KIAA1217: variants seen among roughly 807,000 people sequenced by gnomAD.
KIAA1217 encodes KIAA1217, also known as sickle tail protein homolog.
Under a neutral mutation model 163.9 loss-of-function variants are expected in KIAA1217, and 88 were observed. The observed-to-expected ratio is 0.54, with a 90% CI of 0.45 to 0.64. KIAA1217 has a LOEUF of 0.64. Ranked by LOEUF, KIAA1217 falls within the 30% of genes least tolerant of loss-of-function variation. The pLI is 0.00. For synonymous variants in KIAA1217, 903 were observed against 923.1 expected, an observed-to-expected ratio of 0.98 and a Z score of 0.39; for missense variants, 2,372 against 2,475.0, an observed-to-expected ratio of 0.96 and a Z score of 0.88.
chr10:24,269,505 C>T (rs2131921991), intron 2 of KIAA1217, among the ~76,000 whole-genome samples: 1 of 152,270 alleles, frequency 6.6e-6, no homozygotes, highest in South Asian at 2.1e-4. Flanking sequence ...GCTTGGGCAA[C>T]AGAGTGATTC....
chr10:24,025,531 G>T (rs1348462068), intron 2 of KIAA1217, among the ~76,000 whole-genome samples: 2 of 151,588 alleles, frequency 1.3e-5, no homozygotes, highest in Non-Finnish European at 3.0e-5. Flanking sequence ...GAATCAGTTT[G>T]CTATTTTCTA....
At chr10:24,067,745 A>C (rs1035510643) in intron 2 of KIAA1217, among the ~76,000 whole-genome samples, 1 of 152,212 alleles carries the variant, frequency 6.6e-6, no homozygotes, top group South Asian at 2.1e-4. Flanking sequence ...CCAGAGGTGG[A>C]GCCTACAGAG....
rs1835789388 is a variant in KIAA1217 at position 23,790,391 on chromosome 10, GTATATATA to G, written c.-321+95158_-321+95165del. ...CATATACATATGTATATATACATAT[GTATATATA>G]CATATATACATATACATATATACAT... On this transcript the variant is annotated intron_variant, in intron 1 of 18. Coordinates refer to the KIAA1217 transcript ENST00000376462. Among the ~76,000 whole-genome samples, 19 of 90,662 alleles carry G rather than the reference GTATATATA, an allele frequency of 2.1e-4. 5 individuals carry two copies. Among genetic ancestry groups the G allele is most frequent in the Admixed American group, 2.1e-3 (18 of 8,758 alleles). The allele number at this position is 90,662 out of a possible 152,430, so 59.5% of individuals were successfully genotyped here.
rs2058094590 is a variant in KIAA1217, at chr10:24,414,813, AG to A, written c.554-18181del. On this transcript the variant is annotated intron_variant, in intron 3 of 20. Transcript: ENST00000376454. Reference sequence around the variant, plus strand: ...ATTGTGTGATCTTGTGGTTGAGAACAGAAGTGACTCTTAAAAGGCAGCGCCA... The same window carrying A: ...ATTGTGTGATCTTGTGGTTGAGAACAAAGTGACTCTTAAAAGGCAGCGCCA... Among the ~76,000 whole-genome samples, 3 of 152,220 alleles carry A rather than the reference AG, an allele frequency of 2.0e-5. No homozygotes were observed. In the South Asian group the frequency reaches 6.2e-4, roughly 31 times the overall value.
chr10:23,863,236 T>C (rs2131140246), intron 1 of KIAA1217, among the ~76,000 whole-genome samples: 1 of 152,242 alleles, frequency 6.6e-6, no homozygotes, highest in Admixed American at 6.5e-5. Flanking sequence ...ATATTAACGA[T>C]TGTTACATCC....
chr10:24,272,167 A>G (rs1322420087), intron 2 of KIAA1217, among the ~76,000 whole-genome samples: 2 of 152,112 alleles, frequency 1.3e-5, no homozygotes, highest in Non-Finnish European at 2.9e-5. Flanking sequence ...ACAGATAGCA[A>G]TGTGTTTATG....
chr10:24,015,320 G>A (rs138102458), intron 2 of KIAA1217, among the ~76,000 whole-genome samples: 66 of 152,200 alleles, frequency 4.3e-4, no homozygotes, highest in African/African-American at 1.5e-3. Flanking sequence ...ATTTACTGTT[G>A]ATGTGATCCT....
At chr10:24,167,684 C>T (rs2065423923) in intron 2 of KIAA1217, among the ~76,000 whole-genome samples, 1 of 152,186 alleles carries the variant, frequency 6.6e-6, no homozygotes, top group African/African-American at 2.4e-5. Context: ...CTCACTGACA[C>T]TACTCCCCTC....
At position 24,015,936 on chromosome 10, in the gene KIAA1217, G is replaced by T. The variant is rs528320961; in HGVS notation, c.-171+8562G>T. Among the ~76,000 whole-genome samples, 121 of 151,826 alleles carry T rather than the reference G, an allele frequency of 8.0e-4. 2 individuals are homozygous for T. Among genetic ancestry groups the T allele is most frequent in the Middle Eastern group, 3.4e-3 (1 of 292 alleles). ...AAAAAAAACCAGGATATGCTTTCTT[G>T]ATTCTTCAAAGCAAGTAAAGGTTTA... On this transcript the variant is annotated intron_variant, in intron 2 of 18. Transcript: ENST00000376462.
At chr10:23,993,123 C>A (rs1351936077) in intron 1 of KIAA1217, among the ~76,000 whole-genome samples, 1 of 146,786 alleles carries the variant, frequency 6.8e-6, no homozygotes, top group Non-Finnish European at 1.5e-5. Context: ...CTTCTGCCTC[C>A]CGGATTCAAG....
chr10:24,081,125 C>A (rs1032840145), intron 2 of KIAA1217, among the ~76,000 whole-genome samples: 6 of 152,176 alleles, frequency 3.9e-5, no homozygotes, highest in African/African-American at 1.4e-4. Flanking sequence ...GTGATTTTTA[C>A]ACCATGGTTC....
chr10:24,468,045 G>C (rs2063136040), intron 5 of KIAA1217, among the ~76,000 whole-genome samples: 1 of 152,168 alleles, frequency 6.6e-6, no homozygotes, highest in South Asian at 2.1e-4. Flanking sequence ...CCGCAGCAAA[G>C]GCTGGGTTTG....
intron 2 of KIAA1217, among the ~76,000 whole-genome samples, chr10:24,114,822 C>T (rs1048601548): frequency 4.6e-5 from 7 of 152,186 alleles, no homozygotes; most frequent in South Asian, 2.1e-4. Context: ...ACAAGAGCCT[C>T]GCACCATCTG....
intron 2 of KIAA1217, among the ~76,000 whole-genome samples, chr10:24,369,667 T>C (rs186295414): frequency 1.0e-3 from 158 of 152,330 alleles, no homozygotes; most frequent in African/African-American, 3.3e-3. Context: ...CTTAGCACCA[T>C]GTTTTGCTGG....
chr10:24,055,789 A>G (rs189968235), intron 2 of KIAA1217, among the ~76,000 whole-genome samples: 150 of 152,226 alleles, frequency 9.9e-4, no homozygotes, highest in Admixed American at 1.8e-3. Context: ...ACAACACACT[A>G]GGAAAATCTC....
chr10:24,277,952 G>C (rs184054921), intron 2 of KIAA1217, among the ~76,000 whole-genome samples: 3 of 152,346 alleles, frequency 2.0e-5, no homozygotes, highest in African/African-American at 2.4e-5. Context: ...GTGCTTGCTG[G>C]CTTCCCTTTG....
intron 2 of KIAA1217, among the ~76,000 whole-genome samples, chr10:24,370,182 G>A (rs2051393315): frequency 6.7e-6 from 1 of 149,650 alleles, no homozygotes; most frequent in African/African-American, 2.5e-5. Flanking sequence ...GGAGAATGGT[G>A]TGAACCCGGG....
chr10:23,823,737 G>A (rs1837735323), intron 1 of KIAA1217, among the ~76,000 whole-genome samples: 1 of 152,142 alleles, frequency 6.6e-6, no homozygotes, highest in Non-Finnish European at 1.5e-5. Context: ...TATTCAATAA[G>A]AGTGACTAAA....
intron 1 of KIAA1217, among the ~76,000 whole-genome samples, chr10:23,904,262 G>T (rs1396370690): frequency 2.0e-5 from 3 of 152,150 alleles, no homozygotes; most frequent in Non-Finnish European, 4.4e-5. Context: ...ACACATTGAT[G>T]ATGGCAATGA....
Sources: allele counts gnomAD v4.1 joint callset (sites outside exome capture counted in the v4.1 genomes callset), GRCh38; gene constraint gnomAD v4.1.1; transcripts MANE v1.5; gene names NCBI Gene and HGNC (gene_info 2026-07-23, HGNC 2026-07-21).